WDR47: variants seen among roughly 807,000 people sequenced by gnomAD.
WDR47 encodes WD repeat-containing protein 47.
Under a neutral mutation model 97.2 loss-of-function variants are expected in WDR47, and 32 were observed. The ratio of observed to expected loss-of-function variants is 0.33; its 90% CI spans 0.25 to 0.44. WDR47 has a LOEUF of 0.44. Among genes scored for constraint, WDR47 ranks in the 20% least tolerant of loss-of-function variants. The probability of loss-of-function intolerance (pLI) is 1.00; values close to 1 mark genes in which losing one functional copy is unlikely to be tolerated. For missense variants in WDR47, 782 were observed against 1,102.3 expected, an observed-to-expected ratio of 0.71 and a Z score of 4.11; for synonymous variants, 375 against 373.5, an observed-to-expected ratio of 1.00 and a Z score of -0.05.
chr1:109,027,619 G>A (rs570632544), intron 1 of WDR47, among the ~76,000 whole-genome samples: 3 of 152,056 alleles, frequency 2.0e-5, no homozygotes, highest in East Asian at 3.9e-4. Context: ...CGCCTCCCGG[G>A]TTCAAGTGAT....
chr1:109,036,105 A>C (rs1205026227), intron 1 of WDR47, among the ~76,000 whole-genome samples: 1 of 152,184 alleles, frequency 6.6e-6, no homozygotes, highest in Non-Finnish European at 1.5e-5. Context: ...TACAATCCCC[A>C]AAACAGGATT....
chr1:109,006,961 A>T (rs1660673522), intron 5 of WDR47, among the ~76,000 whole-genome samples: 3 of 151,938 alleles, frequency 2.0e-5, no homozygotes, highest in African/African-American at 7.2e-5. Context: ...TTTTTGAGAT[A>T]GGATATCTTG....
At chr1:108,986,759 A>C in intron 9 of WDR47, 79 bp from the exon 10 acceptor site, 1 of 1,232,574 alleles carries the variant, frequency 8.1e-7, no homozygotes, top group African/African-American at 1.5e-5. Flanking sequence ...TTTTAAATTC[A>C]TTTGAACTTT....
chr1:109,022,774 G>A (rs1265868273), intron 2 of WDR47, among the ~76,000 whole-genome samples: 6 of 151,534 alleles, frequency 4.0e-5, no homozygotes, highest in East Asian at 3.9e-4. Flanking sequence ...TAGTAGAGGC[G>A]GGATTTCACC....
At chr1:109,014,577 T>A (rs1661283495) in intron 3 of WDR47, among the ~76,000 whole-genome samples, 1 of 151,994 alleles carries the variant, frequency 6.6e-6, no homozygotes, top group South Asian at 2.1e-4. Context: ...GGACTACAAC[T>A]GTGTGCCACA....
chr1:108,997,613 AG>A (rs1659854094), intron 7 of WDR47, among the ~76,000 whole-genome samples: 1 of 151,566 alleles, frequency 6.6e-6, no homozygotes, highest in African/African-American at 2.4e-5. Context: ...AAAAAAAATT[AG>A]CCAGGCGTGG....
intron 2 of WDR47, among the ~76,000 whole-genome samples, chr1:109,021,544 A>AT (rs5776962): frequency 7.3e-5 from 11 of 149,744 alleles, no homozygotes; most frequent in South Asian, 2.1e-4. Flanking sequence ...AAAAAAAAAA[A>AT]GGCGCAAGTA....
Position 108,986,604 on chromosome 1 carries a change from T to C in WDR47, c.1844A>G (p.His615Arg). The C allele has an allele frequency of 6.2e-7, 1 of 1,613,818 alleles. No homozygotes were observed. ...AACAGCATATAAACCTCCAGCTGGA[T>C]GAAAAGCCACTGCTCTAACAGCTTG... is the stretch of plus-strand genomic sequence containing the variant. ...DTQAVRAVAF[H>R]PAGGLYAVGS... The change falls in exon 10 of 15, where the codon CAT becomes CGT. Residue 615 changes from histidine (H) to arginine (R), a missense_variant. His to Arg is a conservative substitution (Grantham distance 29). This residue lies in a region of WDR47 where 228 missense variants were observed against 396.7 expected (regional missense o/e 0.57). Coordinates refer to ENST00000369962, the MANE Select transcript of WDR47 (RefSeq NM_001142551.2).
intron 5 of WDR47, among the ~76,000 whole-genome samples, chr1:109,010,554 T>C (rs2101939692): frequency 6.6e-6 from 1 of 151,292 alleles, no homozygotes; most frequent in Non-Finnish European, 1.5e-5. Flanking sequence ...AATTAGATTA[T>C]CTCAAACTTC....
At position 109,002,211 on chromosome 1, in the gene WDR47, T is replaced by A. The variant is rs1660263007; in HGVS notation, c.1433+13A>T. ...AATAACTCCATATTTTAAAAAGTGATTAGAAGACCAACCTATTAAGGAACT... is the reference window on the plus strand; with the variant it reads ...AATAACTCCATATTTTAAAAAGTGAATAGAAGACCAACCTATTAAGGAACT... On this transcript the variant is annotated intron_variant, in intron 7 of 14. Transcript: ENST00000369962. The A allele has an allele frequency of 1.9e-6, 3 of 1,551,896 alleles. No individual in the cohort carries two copies. The African/African-American group carries it at 4.1e-5, about 21-fold the overall frequency.
At chr1:108,983,785 T>TA (rs34460705) in intron 10 of WDR47, among the ~76,000 whole-genome samples, 58,661 of 150,540 alleles carry the variant, frequency 0.39, 12,025 homozygotes, top group East Asian at 0.62. Flanking sequence ...CTTCCAAATT[T>TA]AAAAAAAAAA....
intron 5 of WDR47, among the ~76,000 whole-genome samples, chr1:109,006,945 ATTTT>A (rs990915250): frequency 1.3e-5 from 2 of 150,130 alleles, no homozygotes; most frequent in East Asian, 3.9e-4. Flanking sequence ...GAAAAAAAAA[ATTTT>A]TTTTTTGAGA....
chr1:109,040,035 CAAAAAAAAAAA>C lies in WDR47; in HGVS notation c.-10+1816_-10+1826del, dbSNP rs71281820. 1.4e-3 allele frequency among the ~76,000 whole-genome samples: 72 copies of C among 51,144 alleles called. 2 individuals are homozygous for C. In the Middle Eastern group the frequency reaches 0.037, roughly 26 times the overall value. The allele number at this position is 51,144 out of a possible 152,430, so 33.6% of individuals were successfully genotyped here. A position where few individuals can be genotyped will look rare whatever the true frequency, so the allele number is the denominator to read the frequency against. On this transcript the variant is annotated intron_variant, in intron 1 of 14. Transcript: ENST00000369962. ...TGGATGACAGAGTGAGACTCCGTCT[CAAAAAAAAAAA>C]AAAAAAAAAAAGGTAATCAACAGAT...
intron 7 of WDR47, among the ~76,000 whole-genome samples, chr1:108,996,290 A>G (rs1423606179): frequency 6.6e-6 from 1 of 152,166 alleles, no homozygotes; most frequent in Non-Finnish European, 1.5e-5. Flanking sequence ...TCCTGGGTTC[A>G]AGCTATCCTC....
intron 1 of WDR47, among the ~76,000 whole-genome samples, chr1:109,028,091 T>G (rs138373784): frequency 6.6e-6 from 1 of 152,210 alleles, no homozygotes; most frequent in Non-Finnish European, 1.5e-5. Context: ...AATCATAATA[T>G]GTGTTCAATA....
At position 109,002,412 on chromosome 1, in the gene WDR47, A is replaced by G. The variant is rs1216732014; in HGVS notation, c.1255-10T>C. On this transcript the variant is annotated splice_polypyrimidine_tract_variant and intron_variant, in intron 6 of 14. Transcript: ENST00000369962. ...CTGTTGAATCTCGAAGCTTAAAAAC[A>G]TTAGAAAAAAACATATATATTTGAG... The G allele has an allele frequency of 6.4e-7, 1 of 1,569,130 alleles. No individual in the cohort carries two copies. The highest frequency in any genetic ancestry group is 8.6e-7 in the Non-Finnish European group (1 of 1,160,390).
intron 13 of WDR47, among the ~76,000 whole-genome samples, chr1:108,979,324 G>T (rs949867681): frequency 1.3e-5 from 2 of 152,170 alleles, no homozygotes; most frequent in Non-Finnish European, 2.9e-5. Flanking sequence ...TTAAAATAAT[G>T]TAAACAATGA....
At chr1:108,973,459 C>G (rs1657637647) in intron 14 of WDR47, among the ~76,000 whole-genome samples, 1 of 151,976 alleles carries the variant, frequency 6.6e-6, no homozygotes, top group Non-Finnish European at 1.5e-5. Flanking sequence ...TCTGTCAGTC[C>G]CTAATTGATA....
chr1:109,029,653 CAG>C (rs1249704499), intron 1 of WDR47, among the ~76,000 whole-genome samples: 2 of 150,202 alleles, frequency 1.3e-5, no homozygotes, highest in Admixed American at 6.7e-5. Context: ...GCCTGGGTGA[CAG>C]AGCGAGACTC....
Sources: allele counts gnomAD v4.1 joint callset (sites outside exome capture counted in the v4.1 genomes callset), GRCh38; gene constraint gnomAD v4.1.1; regional missense constraint gnomAD v4.1.1; transcripts MANE v1.5; gene names NCBI Gene and HGNC (gene_info 2026-07-23, HGNC 2026-07-21).